Variants in RIT2 observed in about 807,000 individuals in gnomAD.
The protein encoded by RIT2 is Ras like without CAAX 2, also known as GTP-binding protein Rit2.
Under a neutral mutation model 23.7 loss-of-function variants are expected in RIT2, and 24 were observed. That is an observed-to-expected ratio of 1.01 (90% CI 0.73 to 1.43). RIT2 has a LOEUF of 1.43. Among genes scored for constraint, RIT2 ranks in the 40% most tolerant of loss-of-function variants. RIT2 has a pLI of 0.00. For missense variants in RIT2, 236 were observed against 266.9 expected (o/e 0.88, Z 0.81); for synonymous variants, 107 against 91.1 (o/e 1.17, Z -0.99).
chr18:43,003,803 C>T, intron 2 of RIT2, among the ~76,000 whole-genome samples: 1 of 120,634 alleles, frequency 8.3e-6, no homozygotes, highest in Admixed American at 9.2e-5. Flanking sequence ...CACACACACA[C>T]ACACACATTA....
chr18:42,872,490 A>C (rs1907645020), intron 4 of RIT2, among the ~76,000 whole-genome samples: 2 of 152,182 alleles, frequency 1.3e-5, no homozygotes, highest in African/African-American at 4.8e-5. Flanking sequence ...TGTGCCCAAT[A>C]CTGAATCAAT....
At chr18:42,880,954 T>G (rs1003152590) in intron 4 of RIT2, among the ~76,000 whole-genome samples, 3 of 151,848 alleles carry the variant, frequency 2.0e-5, no homozygotes, top group African/African-American at 7.3e-5. Context: ...ATTACAGACA[T>G]GCGCCACCAT....
intron 3 of RIT2, among the ~76,000 whole-genome samples, chr18:42,953,014 G>A (rs945721395): frequency 2.0e-5 from 3 of 149,460 alleles, no homozygotes; most frequent in Non-Finnish European, 3.0e-5. Context: ...AAATCACGTT[G>A]TTTTTCATTG....
chr18:42,942,210 C>T (rs1318138341), intron 3 of RIT2, among the ~76,000 whole-genome samples: 2 of 152,118 alleles, frequency 1.3e-5, no homozygotes, highest in African/African-American at 2.4e-5. Context: ...TGATCACCCC[C>T]AAACCTCTCC....
intron 4 of RIT2, among the ~76,000 whole-genome samples, chr18:42,848,756 T>A (rs1467390395): frequency 6.6e-6 from 1 of 152,138 alleles, no homozygotes; most frequent in African/African-American, 2.4e-5. Context: ...AGTTTTTTTT[T>A]AGTGAAAATA....
rs58344278 is a variant in RIT2 at position 42,965,711 on chromosome 18, CTTTTTTTT to C, written c.234+8355_234+8362del. Among the ~76,000 whole-genome samples the C allele has an allele frequency of 3.2e-4, 12 of 37,762 alleles. No homozygotes were observed. In the East Asian group the frequency reaches 4.1e-3, roughly 13 times the overall value. The allele number at this position is 37,762 out of a possible 152,430, so 24.8% of individuals were successfully genotyped here. A position where few individuals can be genotyped will look rare whatever the true frequency, so the allele number is the denominator to read the frequency against. On this transcript the variant is annotated intron_variant, in intron 3 of 4. Transcript: ENST00000326695. ...GGTAAACAAAGATGTGTACTGATGG[CTTTTTTTT>C]TTTTTTTTTTTTTTTTTTTTTTTTT...
chr18:42,803,935 T>C (rs1053626132), intron 4 of RIT2, among the ~76,000 whole-genome samples: 5 of 152,198 alleles, frequency 3.3e-5, no homozygotes, highest in African/African-American at 4.8e-5. Flanking sequence ...AGGTAAGTAT[T>C]GAGAAGTTGT....
chr18:43,024,009 G>T (rs1046465948), intron 2 of RIT2, among the ~76,000 whole-genome samples: 7 of 152,016 alleles, frequency 4.6e-5, no homozygotes, highest in African/African-American at 1.7e-4. Context: ...AAACAAAGAG[G>T]ATAGTAAGGA....
At chr18:42,993,516 G>A (rs141927139) in intron 2 of RIT2, among the ~76,000 whole-genome samples, 12,810 of 152,142 alleles carry the variant, frequency 0.084, 775 homozygotes, top group East Asian at 0.25. Context: ...CTCCATAACT[G>A]TTGTGGGTAT....
intron 4 of RIT2, among the ~76,000 whole-genome samples, chr18:42,784,144 T>C (rs1434500599): frequency 6.6e-6 from 1 of 152,044 alleles, no homozygotes; most frequent in Non-Finnish European, 1.5e-5. Context: ...TTTATTCACA[T>C]TATATTTGCC....
At chr18:43,078,003 T>C (rs560599738) in intron 1 of RIT2, among the ~76,000 whole-genome samples, 6 of 152,306 alleles carry the variant, frequency 3.9e-5, no homozygotes, top group African/African-American at 1.4e-4. Context: ...TTGTTTCTAA[T>C]TGACATGTCT....
chr18:42,771,685 A>T (rs2143915839), intron 4 of RIT2, among the ~76,000 whole-genome samples: 1 of 152,026 alleles, frequency 6.6e-6, no homozygotes, highest in African/African-American at 2.4e-5. Flanking sequence ...AACAATTTAG[A>T]TTTTTTTCTA....
chr18:42,797,388 C>T (rs1320384013), intron 4 of RIT2, among the ~76,000 whole-genome samples: 1 of 151,788 alleles, frequency 6.6e-6, no homozygotes, highest in East Asian at 1.9e-4. Context: ...AAATTCTGGG[C>T]TCTACAGCCA....
chr18:43,059,758 G>T (rs913453626), intron 1 of RIT2, among the ~76,000 whole-genome samples: 2 of 149,914 alleles, frequency 1.3e-5, no homozygotes, highest in Non-Finnish European at 3.0e-5. Flanking sequence ...TTCTTGTGGG[G>T]ATGAGAATCA....
chr18:43,060,299 C>T (rs532278110), intron 1 of RIT2, among the ~76,000 whole-genome samples: 24 of 152,240 alleles, frequency 1.6e-4, no homozygotes, highest in Admixed American at 7.9e-4. Flanking sequence ...ATGCTATCTT[C>T]ACAGCCAAGC....
At chr18:42,923,846 T>C in intron 3 of RIT2, 83 bp from the exon 4 acceptor site, 3 of 1,106,256 alleles carry the variant, frequency 2.7e-6, no homozygotes, top group East Asian at 2.4e-5. Flanking sequence ...CATTATGAAA[T>C]TTGAATGTTT....
chr18:42,827,196 A>C (rs1029805208), intron 4 of RIT2, among the ~76,000 whole-genome samples: 3 of 152,230 alleles, frequency 2.0e-5, no homozygotes, highest in Non-Finnish European at 4.4e-5. Context: ...GCTGACCAGC[A>C]TAAGACTGTG....
intron 4 of RIT2, among the ~76,000 whole-genome samples, chr18:42,880,149 T>C (rs1285412988): frequency 2.0e-5 from 3 of 152,154 alleles, no homozygotes; most frequent in Non-Finnish European, 4.4e-5. Flanking sequence ...GATAATAGTA[T>C]AGTTGTGTGG....
At chr18:42,755,870 A>C (rs1913150542) in intron 4 of RIT2, among the ~76,000 whole-genome samples, 1 of 152,176 alleles carries the variant, frequency 6.6e-6, no homozygotes, top group African/African-American at 2.4e-5. Flanking sequence ...TGGCATTTAC[A>C]AGTAATGCCC....
Sources: allele counts gnomAD v4.1 joint callset (sites outside exome capture counted in the v4.1 genomes callset), GRCh38; gene constraint gnomAD v4.1.1; transcripts MANE v1.5; gene names NCBI Gene and HGNC (gene_info 2026-07-23, HGNC 2026-07-21).